Variants in RAB38 observed in about 807,000 individuals in gnomAD.
RAB38 encodes the protein ras-related protein Rab-38.
In RAB38, 15 loss-of-function variants were observed where a neutral mutation model predicts 18.4. That is an observed-to-expected ratio of 0.82 (90% CI 0.55 to 1.26). The LOEUF (loss-of-function observed/expected upper bound fraction) is 1.26, where lower values mean the gene tolerates loss of function less well. Ranked by LOEUF, RAB38 falls within the 50% of genes most tolerant of loss-of-function variation. RAB38 has a pLI of 0.00. For synonymous variants in RAB38, 101 were observed against 104.4 expected (o/e 0.97, Z 0.20); for missense variants, 294 against 267.4 (o/e 1.10, Z -0.69).
chr11:88,086,833 C>T, the RAB38 span, among the ~76,000 whole-genome samples: 6 of 151,838 alleles, frequency 4.0e-5, no homozygotes, highest in African/African-American at 7.3e-5. Flanking sequence ...TTATTTCTAG[C>T]GGACTATTCT....
the RAB38 span, among the ~76,000 whole-genome samples, chr11:88,036,330 A>G: frequency 4.4e-3 from 676 of 152,320 alleles, 2 homozygotes; most frequent in African/African-American, 0.016. Context: ...AGATCTGGGG[A>G]AAAAGTATAC....
At chr11:88,088,579 T>G in the RAB38 span, among the ~76,000 whole-genome samples, 1 of 151,924 alleles carries the variant, frequency 6.6e-6, no homozygotes, top group Non-Finnish European at 1.5e-5. Context: ...TCATGATTTT[T>G]TGAAAGGCAT....
the RAB38 span, among the ~76,000 whole-genome samples, chr11:87,890,855 T>C: frequency 1.3e-5 from 2 of 151,886 alleles, no homozygotes; most frequent in Non-Finnish European, 2.9e-5. Context: ...TGCACTAGTG[T>C]ATCCATTTCA....
the RAB38 span, among the ~76,000 whole-genome samples, chr11:88,089,531 G>T: frequency 6.6e-6 from 1 of 151,938 alleles, no homozygotes; most frequent in Admixed American, 6.6e-5. Context: ...GAAACTGAGT[G>T]GGATTCTTGT....
chr11:87,976,116 G>A, the RAB38 span, among the ~76,000 whole-genome samples: 1 of 138,154 alleles, frequency 7.2e-6, no homozygotes, highest in Non-Finnish European at 1.6e-5. Context: ...ATGTGTGCGT[G>A]TAAATATATA....
At chr11:87,919,754 T>G in the RAB38 span, among the ~76,000 whole-genome samples, 10 of 152,034 alleles carry the variant, frequency 6.6e-5, no homozygotes, top group African/African-American at 2.4e-4. Context: ...ATGGGAGAAT[T>G]TTTATTATTG....
At chr11:87,842,765 T>C in the RAB38 span, among the ~76,000 whole-genome samples, 1 of 151,462 alleles carries the variant, frequency 6.6e-6, no homozygotes, top group African/African-American at 2.4e-5. Context: ...CCCCACCCCA[T>C]GCGCACACAT....
chr11:88,156,859 A>G (rs997239647), intron 1 of RAB38, among the ~76,000 whole-genome samples: 1 of 152,140 alleles, frequency 6.6e-6, no homozygotes, highest in African/African-American at 2.4e-5. Flanking sequence ...GCAATGAAAA[A>G]ACTCTACTGG....
At chr11:87,974,456 C>CAAA in the RAB38 span, among the ~76,000 whole-genome samples, 1 of 151,666 alleles carries the variant, frequency 6.6e-6, no homozygotes, top group African/African-American at 2.4e-5. Context: ...CAAAATAAGA[C>CAAA]TTTTTAGAAA....
chr11:87,871,592 T>C, the RAB38 span, among the ~76,000 whole-genome samples: 1 of 151,578 alleles, frequency 6.6e-6, no homozygotes, highest in African/African-American at 2.4e-5. Flanking sequence ...AGAAAAGTAG[T>C]GTGTCATAAG....
the RAB38 span, among the ~76,000 whole-genome samples, chr11:87,922,896 GGGAAGGGA>G: frequency 9.9e-5 from 15 of 151,070 alleles, no homozygotes; most frequent in Non-Finnish European, 1.8e-4. Context: ...AGATGGAAGG[GGGAAGGGA>G]GGAAGGGAGG....
chr11:88,163,737 T>C (rs1269276844), intron 1 of RAB38, among the ~76,000 whole-genome samples: 1 of 152,166 alleles, frequency 6.6e-6, no homozygotes, highest in Non-Finnish European at 1.5e-5. Flanking sequence ...TTTTCGAAAG[T>C]ATTCTCATTA....
At chr11:88,050,369 A>G in the RAB38 span, among the ~76,000 whole-genome samples, 5 of 152,186 alleles carry the variant, frequency 3.3e-5, no homozygotes, top group Non-Finnish European at 7.3e-5. Flanking sequence ...TAAAAGGAAC[A>G]CTGGAGAAAC....
At chr11:87,967,067 A>C in the RAB38 span, among the ~76,000 whole-genome samples, 1 of 152,224 alleles carries the variant, frequency 6.6e-6, no homozygotes, top group Non-Finnish European at 1.5e-5. Context: ...TTGGAGAGGA[A>C]ATAATGAAGG....
At chr11:87,812,488 T>C in the RAB38 span, among the ~76,000 whole-genome samples, 4 of 152,160 alleles carry the variant, frequency 2.6e-5, no homozygotes, top group African/African-American at 7.2e-5. Flanking sequence ...GTTGGAGAAA[T>C]AGGGTTTGTA....
the RAB38 span, among the ~76,000 whole-genome samples, chr11:87,860,294 G>GA: frequency 1.3e-5 from 2 of 151,768 alleles, no homozygotes; most frequent in Non-Finnish European, 2.9e-5. Flanking sequence ...ATTGGCTTAG[G>GA]AAAAAAATCT....
At chr11:87,846,586 T>C in the RAB38 span, among the ~76,000 whole-genome samples, 1 of 151,708 alleles carries the variant, frequency 6.6e-6, no homozygotes, top group East Asian at 1.9e-4. Context: ...ATTAAAGAAA[T>C]ACAATTTTTT....
the RAB38 span, among the ~76,000 whole-genome samples, chr11:87,918,665 T>A: frequency 1.3e-5 from 2 of 152,128 alleles, no homozygotes; most frequent in Non-Finnish European, 2.9e-5. Flanking sequence ...TTGTTGGCTG[T>A]TTCTACACCT....
chr11:87,891,894 T>A, the RAB38 span, among the ~76,000 whole-genome samples: 2 of 151,866 alleles, frequency 1.3e-5, no homozygotes, highest in Admixed American at 1.3e-4. Flanking sequence ...CTTTTGTTTT[T>A]TCTCCTCCCA....
Sources: allele counts gnomAD v4.1 joint callset (sites outside exome capture counted in the v4.1 genomes callset), GRCh38; gene constraint gnomAD v4.1.1; transcripts MANE v1.5; gene names NCBI Gene and HGNC (gene_info 2026-07-23, HGNC 2026-07-21).